The following IMMP2L variants were observed in gnomAD, a reference collection of about 807,000 sequenced individuals.
The protein encoded by IMMP2L is inner mitochondrial membrane peptidase subunit 2, also known as mitochondrial inner membrane protease subunit 2.
In IMMP2L, 18 loss-of-function variants were observed where a neutral mutation model predicts 19.3. The ratio of observed to expected loss-of-function variants is 0.93; its 90% CI spans 0.64 to 1.38. IMMP2L has a LOEUF of 1.38. Among genes scored for constraint, IMMP2L ranks in the 40% most tolerant of loss-of-function variants. The probability of loss-of-function intolerance (pLI) is 0.00; values close to 1 mark genes in which losing one functional copy is unlikely to be tolerated. For missense variants in IMMP2L, 233 were observed against 218.2 expected, an observed-to-expected ratio of 1.07 and a Z score of -0.43; for synonymous variants, 76 against 73.0, an observed-to-expected ratio of 1.04 and a Z score of -0.21.
intron 1 of IMMP2L, among the ~76,000 whole-genome samples, chr7:111,551,718 C>A (rs938408167): frequency 5.3e-5 from 8 of 152,008 alleles, no homozygotes; most frequent in South Asian, 2.1e-4. Context: ...CAAAATACAA[C>A]CTTCTTCATC....
intron 3 of IMMP2L, among the ~76,000 whole-genome samples, chr7:111,256,923 A>G (rs1047718044): frequency 1.3e-5 from 2 of 152,106 alleles, no homozygotes; most frequent in African/African-American, 4.8e-5. Context: ...AATCAACTCC[A>G]GAGATCTTTC....
intron 3 of IMMP2L, among the ~76,000 whole-genome samples, chr7:111,114,620 C>A (rs372811711): frequency 6.6e-6 from 1 of 151,482 alleles, no homozygotes; most frequent in Non-Finnish European, 1.5e-5. Context: ...CCTGTAATCC[C>A]AGCCACTTGG....
chr7:111,179,779 A>C (rs1161154123), intron 3 of IMMP2L, among the ~76,000 whole-genome samples: 1 of 152,080 alleles, frequency 6.6e-6, no homozygotes, highest in African/African-American at 2.4e-5. Context: ...TGTTTAGTGA[A>C]GCCACCTTCA....
chr7:111,426,376 T>C (rs1367500879), intron 3 of IMMP2L, among the ~76,000 whole-genome samples: 1 of 151,072 alleles, frequency 6.6e-6, no homozygotes, highest in Non-Finnish European at 1.5e-5. Flanking sequence ...ATTAAAGGTA[T>C]GTTCGTTCAC....
chr7:111,255,414 A>G (rs1692618950), intron 3 of IMMP2L, among the ~76,000 whole-genome samples: 1 of 152,072 alleles, frequency 6.6e-6, no homozygotes, highest in South Asian at 2.1e-4. Flanking sequence ...ATGATCATCC[A>G]TTTTACAAAA....
At chr7:111,455,333 A>C (rs1839586087) in intron 3 of IMMP2L, among the ~76,000 whole-genome samples, 1 of 151,562 alleles carries the variant, frequency 6.6e-6, no homozygotes, top group African/African-American at 2.4e-5. Flanking sequence ...TAATGAGCTT[A>C]ATAAAGTCTT....
intron 4 of IMMP2L, among the ~76,000 whole-genome samples, chr7:110,914,676 C>T (rs1466952790): frequency 6.6e-6 from 1 of 152,132 alleles, no homozygotes; most frequent in Non-Finnish European, 1.5e-5. Flanking sequence ...TCATGTTGCT[C>T]TTTTCAAAGT....
intron 3 of IMMP2L, among the ~76,000 whole-genome samples, chr7:111,004,122 T>C (rs1035953947): frequency 6.6e-6 from 1 of 152,150 alleles, no homozygotes; most frequent in African/African-American, 2.4e-5. Context: ...GGTTTCACCA[T>C]GTATTATCTT....
chr7:111,514,358 G>A (rs59421644), intron 2 of IMMP2L, among the ~76,000 whole-genome samples: 3,014 of 152,014 alleles, frequency 0.02, 102 homozygotes, highest in African/African-American at 0.069. Flanking sequence ...ATCGCACACC[G>A]GGGCCTGTGG....
chr7:111,471,139 T>G (rs1395980201), intron 3 of IMMP2L, among the ~76,000 whole-genome samples: 6 of 152,046 alleles, frequency 3.9e-5, no homozygotes, highest in African/African-American at 1.4e-4. Flanking sequence ...AGAAGTCTGA[T>G]TTTACTAAAC....
chr7:110,904,672 C>T (rs576905851), intron 4 of IMMP2L, among the ~76,000 whole-genome samples: 4 of 152,192 alleles, frequency 2.6e-5, no homozygotes, highest in Non-Finnish European at 5.9e-5. Flanking sequence ...CTTACTGAGA[C>T]CTAATTACAT....
chr7:111,078,085 T>C (rs1795566430), intron 3 of IMMP2L, among the ~76,000 whole-genome samples: 1 of 152,252 alleles, frequency 6.6e-6, no homozygotes, highest in Non-Finnish European at 1.5e-5. Flanking sequence ...CTGGAATCAT[T>C]ATTTACTTGC....
At chr7:110,735,846 C>CAAAA (rs59078426) in intron 5 of IMMP2L, among the ~76,000 whole-genome samples, 12,343 of 47,462 alleles carry the variant, frequency 0.26, 1,937 homozygotes, top group East Asian at 0.48. Flanking sequence ...CACTCTGCCT[C>CAAAA]AAAAAAAAAA....
At chr7:111,325,977 A>G (rs1347293168) in intron 3 of IMMP2L, among the ~76,000 whole-genome samples, 1 of 151,732 alleles carries the variant, frequency 6.6e-6, no homozygotes, top group Non-Finnish European at 1.5e-5. Flanking sequence ...TGTGAGCAAC[A>G]TTGCTATTTA....
chr7:111,556,891 T>C (rs1791430250), intron 1 of IMMP2L, among the ~76,000 whole-genome samples: 1 of 152,144 alleles, frequency 6.6e-6, no homozygotes, highest in Admixed American at 6.5e-5. Context: ...AACTGCCTTC[T>C]AGACATCTCA....
intron 3 of IMMP2L, among the ~76,000 whole-genome samples, chr7:111,107,456 T>C (rs1210926062): frequency 6.6e-6 from 1 of 152,038 alleles, no homozygotes; most frequent in African/African-American, 2.4e-5. Context: ...TTCTGGATAG[T>C]TCTTTGTATA....
chr7:111,393,196 C>G (rs1407995536), intron 3 of IMMP2L, among the ~76,000 whole-genome samples: 1 of 152,022 alleles, frequency 6.6e-6, no homozygotes, highest in Admixed American at 6.6e-5. Flanking sequence ...ACAAAAGATG[C>G]TCTCATCACC....
chr7:111,199,835 A>G (rs1809916301), intron 3 of IMMP2L, among the ~76,000 whole-genome samples: 1 of 152,154 alleles, frequency 6.6e-6, no homozygotes, highest in Non-Finnish European at 1.5e-5. Flanking sequence ...GCTGCTAGAC[A>G]TAAAGCATCA....
chr7:110,974,955 A>T (rs2129557160), intron 3 of IMMP2L, among the ~76,000 whole-genome samples: 1 of 152,244 alleles, frequency 6.6e-6, no homozygotes, highest in African/African-American at 2.4e-5. Context: ...AGTCCTTATA[A>T]TTCCAGTCTT....
Sources: allele counts gnomAD v4.1 joint callset (sites outside exome capture counted in the v4.1 genomes callset), GRCh38; gene constraint gnomAD v4.1.1; transcripts MANE v1.5; gene names NCBI Gene and HGNC (gene_info 2026-07-23, HGNC 2026-07-21).